The following CTNNA2 variants were observed in gnomAD, a reference collection of about 807,000 sequenced individuals.
CTNNA2 encodes catenin alpha 2, also known as catenin alpha-2.
CTNNA2 carries 42 observed loss-of-function variants against 101.0 expected under a neutral mutation model. That is an observed-to-expected ratio of 0.42 (90% CI 0.32 to 0.54). The LOEUF is 0.54. CTNNA2 is among the 20% of genes least tolerant of loss of function. The pLI is 0.14. For synonymous variants in CTNNA2, 450 were observed against 456.4 expected, an observed-to-expected ratio of 0.99 and a Z score of 0.18; for missense variants, 871 against 1,223.1, an observed-to-expected ratio of 0.71 and a Z score of 4.29.
rs1332959046 is a variant in CTNNA2 at position 79,379,162 on chromosome 2, C to A, written c.-135+5149C>A. On this transcript the variant is annotated intron_variant, in intron 4 of 21. Transcript: ENST00000466387. The stretch of plus-strand genomic sequence containing the variant: ...AACCTCAGAAATTTTCTACATATAC[C>A]TGTAACTGCACATGAATATATTCCG... Among the ~76,000 whole-genome samples the A allele has an allele frequency of 2.6e-5, 4 of 152,254 alleles. No individual in the cohort carries two copies. The East Asian group carries it at 7.7e-4, about 29-fold the overall frequency.
chr2:79,752,068 G>A (rs139016638), intron 3 of CTNNA2, among the ~76,000 whole-genome samples: 2,241 of 152,224 alleles, frequency 0.015, 25 homozygotes, highest in South Asian at 0.039. Flanking sequence ...AGGGGAGAGT[G>A]TACGGGTTTG....
chr2:80,375,639 A>G (rs866083116), intron 7 of CTNNA2, among the ~76,000 whole-genome samples: 93 of 135,872 alleles, frequency 6.8e-4, no homozygotes, highest in African/African-American at 2.5e-3. Flanking sequence ...ATCTCAGCTC[A>G]CTGCAAGCTC....
intron 17 of CTNNA2, among the ~76,000 whole-genome samples, chr2:80,613,704 T>A (rs1254061010): frequency 6.6e-6 from 1 of 151,480 alleles, no homozygotes; most frequent in Non-Finnish European, 1.5e-5. Flanking sequence ...CATAGGGAAA[T>A]ACTATGTTCC....
chr2:79,579,593 C>T (rs373846631), intron 1 of CTNNA2, among the ~76,000 whole-genome samples: 3 of 152,064 alleles, frequency 2.0e-5, no homozygotes, highest in African/African-American at 7.2e-5. Flanking sequence ...TTTGGTTGCT[C>T]TTAAGCACAA....
intron 4 of CTNNA2, among the ~76,000 whole-genome samples, chr2:79,405,822 T>A (rs1678335068): frequency 6.6e-6 from 1 of 152,064 alleles, no homozygotes; most frequent in Non-Finnish European, 1.5e-5. Context: ...AACTGTGTGA[T>A]AATAAATGAG....
chr2:79,551,292 C>T (rs1455803889), intron 1 of CTNNA2, among the ~76,000 whole-genome samples: 1 of 151,840 alleles, frequency 6.6e-6, no homozygotes, highest in Non-Finnish European at 1.5e-5. Context: ...GAGAAGGCAA[C>T]AGGGGAAAGA....
At position 79,490,501 on chromosome 2, in the gene CTNNA2, T is replaced by C. The variant is rs79408623; in HGVS notation, c.-134-14553T>C. 2.6e-5 allele frequency among the ~76,000 whole-genome samples: 4 copies of C among 152,316 alleles called. 1 individual carries two copies. In the South Asian group the frequency reaches 8.3e-4, roughly 32 times the overall value. ...CTGCATCAATATGCTATATATGTAG[T>C]ATTTTGAGATTTGGATTATTTCCCT... On this transcript the variant is annotated intron_variant, in intron 4 of 21. Coordinates refer to the CTNNA2 transcript ENST00000466387.
At chr2:79,571,340 A>G (rs958555527) in intron 1 of CTNNA2, among the ~76,000 whole-genome samples, 10 of 152,126 alleles carry the variant, frequency 6.6e-5, no homozygotes, top group African/African-American at 2.4e-4. Context: ...CAGAACAGGA[A>G]AGGGACTATA....
upstream of CTNNA2, among the ~76,000 whole-genome samples, chr2:79,511,781 A>AG (rs1408794017): frequency 6.6e-6 from 1 of 152,096 alleles, no homozygotes; most frequent in African/African-American, 2.4e-5. Flanking sequence ...TGGAAGCAAA[A>AG]GGGGGGAGGG....
rs566878795 is a variant in CTNNA2 at position 80,510,097 on chromosome 2, G to A, written c.1291-34885G>A. ...TTAGTATAGTTTATGGCATACAACA[G>A]ATATTTAATAAAACAACATTTAGCT... On this transcript the variant is annotated intron_variant, in intron 9 of 18. Transcript: ENST00000402739. Among the ~76,000 whole-genome samples the A allele has an allele frequency of 2.6e-5, 4 of 152,284 alleles. No individual in the cohort carries two copies. The South Asian group carries it at 8.3e-4, about 32-fold the overall frequency.
chr2:79,859,632 AT>A (rs1681430814), intron 4 of CTNNA2, among the ~76,000 whole-genome samples: 2 of 142,572 alleles, frequency 1.4e-5, no homozygotes, highest in East Asian at 2.2e-4. Flanking sequence ...TTTTATTTTT[AT>A]TTTTTCCTCT....
intron 1 of CTNNA2, among the ~76,000 whole-genome samples, chr2:79,569,050 C>T (rs1043436129): frequency 3.3e-5 from 5 of 151,978 alleles, no homozygotes; most frequent in Non-Finnish European, 7.4e-5. Context: ...ATAAAAATGA[C>T]ATAATATTAA....
intron 4 of CTNNA2, among the ~76,000 whole-genome samples, chr2:79,860,659 T>G (rs1681551562): frequency 6.6e-6 from 1 of 150,426 alleles, no homozygotes; most frequent in Admixed American, 6.7e-5. Context: ...GATTGTAGAC[T>G]AAATAACACA....
intron 11 of CTNNA2, among the ~76,000 whole-genome samples, chr2:80,552,187 G>A (rs1001094830): frequency 2.0e-5 from 3 of 152,158 alleles, no homozygotes; most frequent in Admixed American, 1.3e-4. Context: ...TCATCAAAAC[G>A]ATAATGAAAA....
chr2:80,292,690 C>T (rs139803654), intron 7 of CTNNA2, among the ~76,000 whole-genome samples: 39 of 152,328 alleles, frequency 2.6e-4, no homozygotes, highest in African/African-American at 8.9e-4. Flanking sequence ...TTGAGAATGC[C>T]TCACCTTCGC....
chr2:79,994,946 C>T (rs1283093298), intron 7 of CTNNA2, among the ~76,000 whole-genome samples: 1 of 152,158 alleles, frequency 6.6e-6, no homozygotes, highest in Admixed American at 6.5e-5. Flanking sequence ...CAGGAGCCTC[C>T]TCATTGATTC....
At chr2:80,132,698 A>G (rs1303211391) in intron 7 of CTNNA2, among the ~76,000 whole-genome samples, 1 of 152,208 alleles carries the variant, frequency 6.6e-6, no homozygotes, top group Non-Finnish European at 1.5e-5. Context: ...GAGTAAAACT[A>G]AAATTAGCAG....
intron 1 of CTNNA2, among the ~76,000 whole-genome samples, chr2:79,521,094 A>T (rs1672079293): frequency 9.2e-6 from 1 of 108,424 alleles, no homozygotes; most frequent in South Asian, 2.9e-4. Context: ...TTGAGATAGA[A>T]AACAAAGCTG....
At chr2:79,479,962 A>C (rs1671091513) in intron 4 of CTNNA2, among the ~76,000 whole-genome samples, 1 of 152,128 alleles carries the variant, frequency 6.6e-6, no homozygotes. Flanking sequence ...GATAATTTTC[A>C]AAGAAAAGAG....
Sources: gnomAD v4.1 joint callset for allele counts (sites outside exome capture counted in the v4.1 genomes callset) on GRCh38, gnomAD v4.1.1 for gene constraint, MANE v1.5 for transcripts, NCBI Gene and HGNC (gene_info 2026-07-23, HGNC 2026-07-21) for gene names.